Variants in RALGAPA2 observed in about 807,000 individuals in gnomAD.
RALGAPA2 encodes the protein ral GTPase-activating protein subunit alpha-2.
A neutral mutation model predicts 230.4 loss-of-function variants in RALGAPA2; 139 were observed. That is an observed-to-expected ratio of 0.60 (90% confidence interval 0.53 to 0.69). The LOEUF (loss-of-function observed/expected upper bound fraction) is 0.69. Ranked by LOEUF, RALGAPA2 falls within the 30% of genes least tolerant of loss-of-function variation. RALGAPA2 has a pLI of 0.00. For missense variants in RALGAPA2, 2,163 were observed against 2,276.0 expected, an observed-to-expected ratio of 0.95 and a Z score of 1.01; for synonymous variants, 847 against 837.8, an observed-to-expected ratio of 1.01 and a Z score of -0.19.
intron 37 of RALGAPA2, among the ~76,000 whole-genome samples, chr20:20,442,301 T>C (rs1269863277): frequency 2.0e-5 from 3 of 152,226 alleles, no homozygotes; most frequent in Non-Finnish European, 4.4e-5. Context: ...GACTTATAGA[T>C]TGGCCAAGAG....
chr20:20,647,340 C>T (rs1257991721), intron 4 of RALGAPA2, among the ~76,000 whole-genome samples: 1 of 152,094 alleles, frequency 6.6e-6, no homozygotes, highest in African/African-American at 2.4e-5. Flanking sequence ...AGAGAAACTC[C>T]CTCTGGGCTA....
chr20:20,683,488 C>T (rs2068592421), intron 1 of RALGAPA2, among the ~76,000 whole-genome samples: 1 of 152,186 alleles, frequency 6.6e-6, no homozygotes, highest in Admixed American at 6.5e-5. Flanking sequence ...ACTCCCTATC[C>T]TCTAACCACT....
chr20:20,412,133 A>C lies in RALGAPA2; in HGVS notation c.5511T>G (p.Ala1837=). The C allele has an allele frequency of 1.2e-6, 2 of 1,613,946 alleles. No individual in the cohort carries two copies. The highest frequency in any genetic ancestry group is 2.2e-5 in the South Asian group (2 of 91,068). Residue 1837 remains alanine (A), a synonymous_variant, in exon 38 of 40, where the codon GCT becomes GCG. Transcript: ENST00000202677. ...PLYQSFYEER[A]LYLEAIIQNH... ...TCTGAATTATTGCTTCGAGATACAGAGCTCGCTCTTCATAGCTGCGGTAAT... is the reference window on the plus strand; with the variant it reads ...TCTGAATTATTGCTTCGAGATACAGCGCTCGCTCTTCATAGCTGCGGTAAT...
At chr20:20,529,802 TC>T (rs1224012766) in intron 27 of RALGAPA2, among the ~76,000 whole-genome samples, 1 of 152,194 alleles carries the variant, frequency 6.6e-6, no homozygotes, top group Non-Finnish European at 1.5e-5. Flanking sequence ...TTAGAATGTA[TC>T]CCCATCACTA....
intron 1 of RALGAPA2, among the ~76,000 whole-genome samples, chr20:20,708,186 C>T (rs1388405754): frequency 6.6e-6 from 1 of 152,126 alleles, no homozygotes; most frequent in Non-Finnish European, 1.5e-5. Flanking sequence ...ATAAAATGCA[C>T]TATTAAAATT....
chr20:20,514,357 G>C (rs978319270), intron 31 of RALGAPA2, among the ~76,000 whole-genome samples: 2 of 151,886 alleles, frequency 1.3e-5, no homozygotes, highest in East Asian at 3.9e-4. Context: ...CTGCAGCAGG[G>C]AGCCCCTCTC....
At chr20:20,662,266 A>T (rs2067805882) in intron 3 of RALGAPA2, among the ~76,000 whole-genome samples, 1 of 152,176 alleles carries the variant, frequency 6.6e-6, no homozygotes, top group Non-Finnish European at 1.5e-5. Flanking sequence ...TAAGCTAAAA[A>T]ATTCTCAATT....
intron 5 of RALGAPA2, among the ~76,000 whole-genome samples, chr20:20,643,188 C>T: frequency 6.6e-6 from 1 of 152,166 alleles, no homozygotes; most frequent in East Asian, 1.9e-4. Context: ...GACTGCACTT[C>T]CTTTTTCTGA....
intron 15 of RALGAPA2, among the ~76,000 whole-genome samples, chr20:20,604,713 T>C (rs2065766033): frequency 6.6e-6 from 1 of 152,036 alleles, no homozygotes; most frequent in African/African-American, 2.4e-5. Flanking sequence ...TTTTAGCTCA[T>C]CAGCTATCGT....
At chr20:20,422,525 C>G (rs1290682367) in intron 37 of RALGAPA2, among the ~76,000 whole-genome samples, 2 of 152,030 alleles carry the variant, frequency 1.3e-5, no homozygotes, top group African/African-American at 4.8e-5. Context: ...GAGTTCTGAT[C>G]ATGGCATTGC....
At chr20:20,703,119 G>C (rs2069456167) in intron 1 of RALGAPA2, among the ~76,000 whole-genome samples, 1 of 152,008 alleles carries the variant, frequency 6.6e-6, no homozygotes, top group Non-Finnish European at 1.5e-5. Context: ...GTTGCAGTGA[G>C]GCGAAATTGC....
intron 8 of RALGAPA2, 69 bp downstream of exon 8, chr20:20,637,294 G>A: frequency 8.0e-7 from 1 of 1,250,072 alleles, no homozygotes; most frequent in Middle Eastern, 2.1e-4. Flanking sequence ...AATAATCAAA[G>A]GTCACTTTGA....
chr20:20,507,728 C>T (rs2062575199), intron 33 of RALGAPA2, among the ~76,000 whole-genome samples: 1 of 152,140 alleles, frequency 6.6e-6, no homozygotes, highest in South Asian at 2.1e-4. Flanking sequence ...CCTGAAAGTG[C>T]CACACCATTC....
chr20:20,531,119 G>C (rs1285957234), intron 27 of RALGAPA2, among the ~76,000 whole-genome samples: 2 of 152,172 alleles, frequency 1.3e-5, no homozygotes, highest in Non-Finnish European at 2.9e-5. Flanking sequence ...TCTGGGCCTT[G>C]ATTTCCTCTG....
In RALGAPA2 at chr20:20,469,861, T is replaced by C. The variant is rs1013429111; in HGVS notation, c.5495+2968A>G. Among the ~76,000 whole-genome samples the C allele has an allele frequency of 6.6e-5, 10 of 152,050 alleles. 1 individual carries two copies. The highest frequency in any genetic ancestry group is 2.0e-4 in the Admixed American group (3 of 15,256). ...AGGCTCTTTGATTGCCCATGAGGGA[T>C]AGAAAAAGCAGATGGCAGGTGAGTT... is the stretch of plus-strand genomic sequence containing the variant. On this transcript the variant is annotated intron_variant, in intron 37 of 39. Coordinates refer to ENST00000202677, the MANE Select transcript of RALGAPA2 (RefSeq NM_020343.4).
At chr20:20,570,961 A>C (rs2064611430) in intron 23 of RALGAPA2, among the ~76,000 whole-genome samples, 3 of 152,200 alleles carry the variant, frequency 2.0e-5, no homozygotes, top group Admixed American at 6.5e-5. Flanking sequence ...TTCTGTTCGA[A>C]CTTGAACCAA....
intron 37 of RALGAPA2, among the ~76,000 whole-genome samples, chr20:20,449,603 CTAAT>C (rs1410484378): frequency 3.3e-5 from 5 of 152,112 alleles, no homozygotes; most frequent in African/African-American, 1.2e-4. Context: ...TCCCCTGTCA[CTAAT>C]TAATTCTTCA....
At chr20:20,592,059 C>T (rs917637305) in intron 16 of RALGAPA2, among the ~76,000 whole-genome samples, 5 of 152,182 alleles carry the variant, frequency 3.3e-5, no homozygotes, top group African/African-American at 1.2e-4. Flanking sequence ...GGAATTATCA[C>T]CCCACCCTCT....
chr20:20,569,132 A>G (rs6082052), intron 23 of RALGAPA2, among the ~76,000 whole-genome samples: 11,410 of 152,236 alleles, frequency 0.075, 591 homozygotes, highest in East Asian at 0.16. Context: ...ATAAGTTCTG[A>G]AACAACCACT....
Sources: gnomAD v4.1 joint callset for allele counts (sites outside exome capture counted in the v4.1 genomes callset) on GRCh38, gnomAD v4.1.1 for gene constraint, MANE v1.5 for transcripts, NCBI Gene and HGNC (gene_info 2026-07-23, HGNC 2026-07-21) for gene names.